The following CSE1L variants were observed in gnomAD, a reference collection of about 807,000 sequenced individuals.
CSE1L encodes exportin-2.
Under a neutral mutation model 120.4 loss-of-function variants are expected in CSE1L, and 24 were observed. The ratio of observed to expected loss-of-function variants is 0.20; its 90% CI spans 0.14 to 0.28. CSE1L has a LOEUF of 0.28. Among genes scored for constraint, CSE1L ranks in the 10% least tolerant of loss-of-function variants. CSE1L has a pLI of 1.00. For synonymous variants in CSE1L, 402 were observed against 398.3 expected (o/e 1.01, Z -0.11); for missense variants, 830 against 1,145.2 (o/e 0.72, Z 3.97).
intron 15 of CSE1L, 136 bp downstream of exon 15, chr20:49,084,298 T>G (rs1320250577): frequency 5.5e-6 from 5 of 903,722 alleles, no homozygotes; most frequent in Non-Finnish European, 8.0e-6. Context: ...CTCTGTTTCA[T>G]TCTAAAAGCA....
Position 49,068,772 on chromosome 20 carries a change from T to C in CSE1L, c.625T>C (p.Phe209Leu). The change falls in exon 7 of 25, where the codon TTT becomes CTT. Residue 209 changes from phenylalanine (F) to leucine (L), a missense_variant. Phe to Leu is a conservative substitution (Grantham distance 22, BLOSUM62 0). Around this residue, in one of 4 missense-constraint regions of CSE1L, gnomAD observed 543 missense variants for 640.2 expected, o/e 0.85. Transcript: ENST00000262982. Reference protein sequence around the residue: ...ANDASALRILFSSLILISKLF... With the variant: ...ANDASALRILLSSLILISKLF... ...TGATGCCTCTGCCCTGAGGATTCTGTTTTCTTCCCTGATCCTGATCTCAAA... is the reference window on the plus strand; with the variant it reads ...TGATGCCTCTGCCCTGAGGATTCTGCTTTCTTCCCTGATCCTGATCTCAAA... The C allele has an allele frequency of 6.2e-7, 1 of 1,613,930 alleles. No individual in the cohort carries two copies. The highest frequency in any genetic ancestry group is 1.1e-5 in the South Asian group (1 of 91,076).
At chr20:49,068,953 A>G in intron 7 of CSE1L, 131 bp downstream of exon 7, 1 of 649,268 alleles carries the variant, frequency 1.5e-6, no homozygotes, top group Non-Finnish European at 2.7e-6. Flanking sequence ...GACTCTATTT[A>G]TCTATAGTGT....
chr20:49,068,749 ATGCCTC>A lies in CSE1L; in HGVS notation c.607_612del (p.Ser203_Ala204del). ...GAACTCTGCAGTACCCATGCAAATG[ATGCCTC>A]TGCCCTGAGGATTCTGTTTTCTTCC... On this transcript the variant is annotated inframe_deletion, in exon 7 of 25. Coordinates refer to ENST00000262982, the MANE Select transcript of CSE1L (RefSeq NM_001316.4). The A allele has an allele frequency of 6.2e-7, 1 of 1,614,064 alleles. No individual in the cohort carries two copies. Among genetic ancestry groups the A allele is most frequent in the Non-Finnish European group, 8.5e-7 (1 of 1,179,900 alleles).
chr20:49,072,259 TG>T (rs1470066974), intron 8 of CSE1L, 26 bp from the exon 9 acceptor site: 1 of 1,609,998 alleles, frequency 6.2e-7, no homozygotes, highest in Non-Finnish European at 8.5e-7. Flanking sequence ...AGTTGTATGT[TG>T]GAGTTTTTGT....
At chr20:49,077,502 G>C (rs577509261) in intron 13 of CSE1L, among the ~76,000 whole-genome samples, 1 of 152,196 alleles carries the variant, frequency 6.6e-6, no homozygotes, top group African/African-American at 2.4e-5. Context: ...GGTTTCCCCA[G>C]ATCTTGTCCA....
At chr20:49,054,632 C>G (rs2091792746) in intron 1 of CSE1L, among the ~76,000 whole-genome samples, 1 of 152,208 alleles carries the variant, frequency 6.6e-6, no homozygotes, top group African/African-American at 2.4e-5. Context: ...ATGAAAACAT[C>G]TAGCATCGTG....
At chr20:49,084,971 C>T (rs1003463031) in intron 15 of CSE1L, among the ~76,000 whole-genome samples, 4 of 152,088 alleles carry the variant, frequency 2.6e-5, no homozygotes, top group Non-Finnish European at 5.9e-5. Context: ...AAATAAATGA[C>T]AGAGTCCCCT....
At chr20:49,064,634 G>A (rs1307238459) in intron 3 of CSE1L, among the ~76,000 whole-genome samples, 2 of 152,134 alleles carry the variant, frequency 1.3e-5, no homozygotes, top group Non-Finnish European at 2.9e-5. Context: ...GATCACTTGT[G>A]CCTGGGAGGC....
intron 20 of CSE1L, 28 bp from the exon 21 acceptor site, chr20:49,090,909 A>G (rs1490871012): frequency 6.3e-7 from 1 of 1,595,830 alleles, no homozygotes; most frequent in South Asian, 1.1e-5. Context: ...TCCTAAATTT[A>G]TATTGTTGAT....
chr20:49,091,228 G>C (rs909523549), intron 21 of CSE1L, among the ~76,000 whole-genome samples: 12 of 152,098 alleles, frequency 7.9e-5, no homozygotes, highest in African/African-American at 2.7e-4. Flanking sequence ...TTCAAGACCA[G>C]CCTGGGCAAC....
chr20:49,057,340 T>C (rs2091816684), intron 1 of CSE1L, among the ~76,000 whole-genome samples: 1 of 152,192 alleles, frequency 6.6e-6, no homozygotes. Context: ...CTTAGCACTT[T>C]GTAGTATTTG....
Position 49,066,112 on chromosome 20 carries a change from AAC to A in CSE1L, c.229-78_229-77del, listed in dbSNP as rs369003338. ...TTCTTAGAAAATTAGTAAATAAAAA[AAC>A]AGTTATGTTTTACCTAAAATCATGT... On this transcript the variant is annotated intron_variant, in intron 3 of 24. Transcript: ENST00000262982. 3.1e-4 allele frequency: 377 copies of A among 1,198,296 alleles called. 2 individuals carry two copies. In the African/African-American group the frequency reaches 5.3e-3, roughly 17 times the overall value. The allele number at this position is 1,198,296 out of a possible 1,614,324, so 74.2% of individuals were successfully genotyped here.
intron 10 of CSE1L, 121 bp from the exon 11 acceptor site, chr20:49,074,662 ATC>A (rs1208590699): frequency 1.5e-6 from 1 of 647,104 alleles, no homozygotes; most frequent in East Asian, 3.0e-5. Flanking sequence ...TGAAGTAGTC[ATC>A]TGATGGGAAC....
intron 2 of CSE1L, 84 bp from the exon 3 acceptor site, chr20:49,063,117 GA>G (rs2091864435): frequency 1.4e-6 from 1 of 692,302 alleles, no homozygotes. Flanking sequence ...CTCTTTTTTT[GA>G]TTTTTTTTTA....
At chr20:49,070,949 GAA>G (rs1186533504) in intron 8 of CSE1L, among the ~76,000 whole-genome samples, 2 of 151,926 alleles carry the variant, frequency 1.3e-5, no homozygotes, top group East Asian at 3.9e-4. Flanking sequence ...CTCAGAAAAA[GAA>G]AAAATTATCC....
chr20:49,074,645 G>C, intron 10 of CSE1L, 140 bp from the exon 11 acceptor site: 1 of 541,686 alleles, frequency 1.8e-6, no homozygotes, highest in Non-Finnish European at 3.2e-6. Flanking sequence ...TAATGATTAA[G>C]AGTATATGAA....
chr20:49,050,195 A>G (rs1011423249), intron 1 of CSE1L, among the ~76,000 whole-genome samples: 1 of 148,856 alleles, frequency 6.7e-6, no homozygotes, highest in Non-Finnish European at 1.5e-5. Context: ...GGTTTTATTT[A>G]TTTATTTTTA....
chr20:49,049,694 G>T lies in CSE1L; in HGVS notation c.-12+3271G>T, dbSNP rs7265123. Reference sequence around the variant, plus strand: ...TTTTCTCAAATTAAGGATAAGCTTAGAATTCGGTTTTATAGACTATATCTG... The same window carrying T: ...TTTTCTCAAATTAAGGATAAGCTTATAATTCGGTTTTATAGACTATATCTG... On this transcript the variant is annotated intron_variant, in intron 1 of 24. Transcript: ENST00000262982. 7.7e-3 allele frequency among the ~76,000 whole-genome samples: 1,170 copies of T among 152,256 alleles called. 17 individuals are homozygous for T. Among genetic ancestry groups the T allele is most frequent in the African/African-American group, 0.026 (1,074 of 41,532 alleles).
intron 23 of CSE1L, 150 bp downstream of exon 23, chr20:49,094,436 C>A: frequency 2.5e-6 from 2 of 811,592 alleles, no homozygotes; most frequent in East Asian, 2.6e-5. Flanking sequence ...TTTCTGGATC[C>A]TTCTGGGCTT....
Sources: gnomAD v4.1 joint callset for allele counts (sites outside exome capture counted in the v4.1 genomes callset) on GRCh38, gnomAD v4.1.1 for gene constraint, gnomAD v4.1.1 regional missense constraint, MANE v1.5 for transcripts, NCBI Gene and HGNC (gene_info 2026-07-23, HGNC 2026-07-21) for gene names.